ACSS2: variants seen among roughly 807,000 people sequenced by gnomAD.
ACSS2 encodes acyl-CoA synthetase short chain family member 2.
In ACSS2, 58 loss-of-function variants were observed where a neutral mutation model predicts 90.6. That is an observed-to-expected ratio of 0.64 (90% CI 0.52 to 0.80). The LOEUF (loss-of-function observed/expected upper bound fraction) is 0.80. ACSS2 is among the 30% of genes least tolerant of loss of function. The probability of loss-of-function intolerance (pLI) is 0.00; values close to 1 mark genes in which losing one functional copy is unlikely to be tolerated. For missense variants in ACSS2, 759 were observed against 912.0 expected, an observed-to-expected ratio of 0.83 and a Z score of 2.16; for synonymous variants, 300 against 330.9, an observed-to-expected ratio of 0.91 and a Z score of 1.01.
intron 1 of ACSS2, among the ~76,000 whole-genome samples, chr20:34,877,446 A>G (rs951810620): frequency 1.3e-5 from 2 of 152,044 alleles, no homozygotes; most frequent in East Asian, 3.9e-4. Flanking sequence ...TGTTTTATTT[A>G]TTTTTTTAAC....
In ACSS2 at chr20:34,925,722, A is replaced by G. The variant is rs1181773751; in HGVS notation, c.1682A>G (p.Tyr561Cys). Reference sequence around the variant, plus strand: ...GGCTGCCAGCGGGACCAGGATGGCTATTACTGGATCACTGGCAGGATTGAT... The same window carrying G: ...GGCTGCCAGCGGGACCAGGATGGCTGTTACTGGATCACTGGCAGGATTGAT... Reference protein sequence around the residue: ...GDGCQRDQDGYYWITGRIDDM... With the variant: ...GDGCQRDQDGCYWITGRIDDM... Residue 561 changes from tyrosine to cysteine, a missense_variant, in exon 15 of 18, where the codon TAT becomes TGT. Tyr to Cys is a radical substitution (Grantham distance 194). Transcript: ENST00000360596. 6.2e-7 allele frequency: 1 copy of G among 1,613,766 alleles called. No individual in the cohort carries two copies. Among genetic ancestry groups the G allele is most frequent in the Admixed American group, 1.7e-5 (1 of 59,992 alleles).
At chr20:34,905,199 G>C (rs1348109665) in intron 2 of ACSS2, among the ~76,000 whole-genome samples, 1 of 150,162 alleles carries the variant, frequency 6.7e-6, no homozygotes, top group African/African-American at 2.5e-5. Flanking sequence ...ATTATGGCAT[G>C]AACCACTGCA....
intron 2 of ACSS2, among the ~76,000 whole-genome samples, chr20:34,885,539 C>T (rs2080171739): frequency 6.6e-6 from 1 of 152,168 alleles, no homozygotes. Flanking sequence ...TAGTAGGGGG[C>T]TTCTTAATTC....
chr20:34,902,546 C>T (rs1173076971), intron 2 of ACSS2, among the ~76,000 whole-genome samples: 1 of 151,950 alleles, frequency 6.6e-6, no homozygotes, highest in Non-Finnish European at 1.5e-5. Context: ...AGAAGGCCAG[C>T]ATGTTTGGAG....
chr20:34,883,396 A>G (rs1232371454), intron 2 of ACSS2, among the ~76,000 whole-genome samples: 1 of 152,194 alleles, frequency 6.6e-6, no homozygotes, highest in Non-Finnish European at 1.5e-5. Context: ...AACAAATACT[A>G]TCTCCTTTGA....
intron 2 of ACSS2, among the ~76,000 whole-genome samples, chr20:34,898,273 GC>G (rs991585412): frequency 2.0e-5 from 3 of 152,128 alleles, no homozygotes; most frequent in African/African-American, 4.8e-5. Context: ...CTCTTATCTG[GC>G]CCCACCCACA....
chr20:34,896,381 C>T (rs1392044328), intron 2 of ACSS2, among the ~76,000 whole-genome samples: 1 of 152,166 alleles, frequency 6.6e-6, no homozygotes, highest in African/African-American at 2.4e-5. Flanking sequence ...CACTTCTTGA[C>T]ATGATTCCAA....
At chr20:34,894,300 G>A (rs889285147) in intron 2 of ACSS2, among the ~76,000 whole-genome samples, 8 of 151,940 alleles carry the variant, frequency 5.3e-5, no homozygotes, top group African/African-American at 1.7e-4. Context: ...ATCAGCCTGG[G>A]CAACACAGGT....
intron 2 of ACSS2, among the ~76,000 whole-genome samples, chr20:34,899,462 CCTTCCTTT>C (rs1286462637): frequency 7.2e-6 from 1 of 139,632 alleles, no homozygotes; most frequent in African/African-American, 2.6e-5. Context: ...TTCCTTCCTT[CCTTCCTTT>C]CTTTTTCTTT....
At chr20:34,901,910 C>A (rs1301978204) in intron 2 of ACSS2, among the ~76,000 whole-genome samples, 14 of 152,172 alleles carry the variant, frequency 9.2e-5, no homozygotes. Flanking sequence ...TGGTCCCCAG[C>A]CATATTGTGG....
chr20:34,913,934 T>A, intron 5 of ACSS2, 109 bp downstream of exon 5: 1 of 1,381,174 alleles, frequency 7.2e-7, no homozygotes, highest in Non-Finnish European at 1.0e-6. Context: ...AGAGACTGCC[T>A]GCCTTTTCTC....
At chr20:34,901,561 G>A (rs188710543) in intron 2 of ACSS2, among the ~76,000 whole-genome samples, 65 of 152,342 alleles carry the variant, frequency 4.3e-4, no homozygotes, top group South Asian at 2.9e-3. Flanking sequence ...CCTGGTGAAA[G>A]GGAAATTGAC....
rs4911163 is a variant in ACSS2, at chr20:34,882,891, C to T, written c.276C>T (p.Phe92=). 970,126 of 1,612,964 alleles carry T rather than the reference C, an allele frequency of 0.6. 297,373 individuals are homozygous for T. The highest frequency in any genetic ancestry group is 0.74 in the South Asian group (67,085 of 90,882). Residue 92 remains phenylalanine, a synonymous_variant, in exon 2 of 18, where the codon TTC becomes TTT. Transcript: ENST00000360596. ...YNFDVTKGKI[F]IEWMKGATTN... is the part of the protein sequence containing the mutation. The stretch of plus-strand genomic sequence containing the variant: ...TTGATGTGACTAAAGGGAAAATCTT[C>T]ATTGAGTGGATGAAAGGAGCAACTA...
rs1397356090 is a variant in ACSS2 at position 34,926,415 on chromosome 20, T to C, written c.1903+134T>C. The C allele has an allele frequency of 5.0e-6, 4 of 796,046 alleles. No individual in the cohort carries two copies. In the African/African-American group the frequency reaches 5.2e-5, roughly 10 times the overall value. 49.3% of individuals were successfully genotyped at this position (796,046 alleles called of 1,614,324 possible). A position where few individuals can be genotyped will look rare whatever the true frequency, so the allele number is the denominator to read the frequency against. On this transcript the variant is annotated intron_variant, in intron 16 of 17. Transcript: ENST00000360596. ...GATTCCAGGGGGCCCCATGGGCTGA[T>C]TGCCCTCTTCCTGTTCAGTCTCCAC... is the stretch of plus-strand genomic sequence containing the variant.
rs1239901356 is a variant in ACSS2 at position 34,876,799 on chromosome 20, CG to C, written c.156del (p.Arg53AlafsTer34). On this transcript the variant is annotated frameshift_variant, in exon 1 of 18. Coordinates refer to ENST00000360596, the MANE Select transcript of ACSS2 (RefSeq NM_018677.4). LOFTEE classifies it high-confidence loss of function. ...PSLQRYRELHRRSVEEPREFW... is the reference protein window; with the variant it reads ...PSLQRYRELHXRSVEEPREFW... ...GCTGCAGCGCTACCGCGAGCTGCAC[CG>C]GCGCTCCGTGGAGGAGCCGCGGGGT... 2 of 1,323,762 alleles carry C rather than the reference CG, an allele frequency of 1.5e-6. No individual in the cohort carries two copies. The highest frequency in any genetic ancestry group is 1.9e-6 in the Non-Finnish European group (2 of 1,031,808). 82.0% of individuals were successfully genotyped at this position (1,323,762 alleles called of 1,614,324 possible).
rs776603729 is a variant in ACSS2 at position 34,921,038 on chromosome 20, C to T, written c.1176C>T (p.Asn392=). 3 of 1,614,152 alleles carry T rather than the reference C, an allele frequency of 1.9e-6. No individual in the cohort carries two copies. Among genetic ancestry groups the T allele is most frequent in the South Asian group, 1.1e-5 (1 of 91,080 alleles). Residue 392 remains asparagine (N), a synonymous_variant, in exon 10 of 18, where the codon AAC becomes AAT. Coordinates refer to ENST00000360596, the MANE Select transcript of ACSS2 (RefSeq NM_018677.4). ...FEGIPTYPDV[N]RLWSIVDKYK... is the part of the protein sequence containing the mutation. ...GGATTCCCACATATCCGGACGTGAA[C>T]CGCCTGTGGAGCATTGTGGACAAAT... is the stretch of plus-strand genomic sequence containing the variant.
At chr20:34,882,723 A>G (rs1233046655) in intron 1 of ACSS2, 71 bp from the exon 2 acceptor site, 2 of 1,470,018 alleles carry the variant, frequency 1.4e-6, no homozygotes, top group Admixed American at 3.7e-5. Flanking sequence ...CTGTGTATAG[A>G]CTGGTAAGCC....
At chr20:34,879,496 G>GACACACAC (rs11467604) in intron 1 of ACSS2, among the ~76,000 whole-genome samples, 3,446 of 147,820 alleles carry the variant, frequency 0.023, 75 homozygotes, top group African/African-American at 0.057. Context: ...TCCAGATTCT[G>GACACACAC]ACACACACAC....
chr20:34,904,770 T>G, intron 2 of ACSS2, among the ~76,000 whole-genome samples: 1 of 152,154 alleles, frequency 6.6e-6, no homozygotes, highest in Non-Finnish European at 1.5e-5. Flanking sequence ...AGTGACTGTG[T>G]ACCATGGGTT....
Sources: gnomAD v4.1 joint callset for allele counts (sites outside exome capture counted in the v4.1 genomes callset) on GRCh38, gnomAD v4.1.1 for gene constraint, MANE v1.5 for transcripts, NCBI Gene and HGNC (gene_info 2026-07-23, HGNC 2026-07-21) for gene names.